MS4A13: variants seen among roughly 807,000 people sequenced by gnomAD.
The protein encoded by MS4A13 is membrane-spanning 4-domains subfamily A member 13.
In MS4A13, 21 loss-of-function variants were observed where a neutral mutation model predicts 18.4. The observed-to-expected ratio is 1.14, with a 90% CI of 0.81 to 1.64. The LOEUF is 1.64. MS4A13 is among the 40% of genes most tolerant of loss of function. MS4A13 has a pLI of 0.00. For missense variants in MS4A13, 173 were observed against 176.8 expected (o/e 0.98, Z 0.12); for synonymous variants, 62 against 57.2 (o/e 1.08, Z -0.38).
intron 5 of MS4A13, among the ~76,000 whole-genome samples, chr11:60,528,927 TG>T (rs1160438430): frequency 6.6e-6 from 1 of 152,256 alleles, no homozygotes; most frequent in Non-Finnish European, 1.5e-5. Context: ...TTTATCACCA[TG>T]TATGTAAATT....
At chr11:60,540,243 G>A (rs781062844) in intron 6 of MS4A13, among the ~76,000 whole-genome samples, 1 of 152,122 alleles carries the variant, frequency 6.6e-6, no homozygotes, top group Non-Finnish European at 1.5e-5. Flanking sequence ...AATACATAAA[G>A]GAATGGATAT....
rs1381524513 is a variant in MS4A13 at position 60,518,205 on chromosome 11, G to T, written c.122G>T (p.Gly41Val). Residue 41 changes from glycine (G) to valine (V), a missense_variant, in exon 3 of 7, where the codon GGA becomes GTA. Transcript: ENST00000378186. ...TACAAAACAGGATGTACTTTATGGG[G>T]AATTTTTGTGAGTAGAATACATATA... ...VTYKTGCTLW[G>V]IFFIIAGVFL... 1.2e-6 allele frequency: 2 copies of T among 1,607,532 alleles called. No individual in the cohort carries two copies. The highest frequency in any genetic ancestry group is 2.2e-5 in the South Asian group (2 of 89,890).
At position 60,527,410 on chromosome 11, in the gene MS4A13, C is replaced by CTCTGTGTG. The variant is rs1555024373; in HGVS notation, c.307-1954_307-1953insCTGTGTGT. ...TCTCTCTCTCTCTCTCTCTCTCTCT[C>CTCTGTGTG]TGTGTGTGTGTGTGTGTGTGTGTGT... On this transcript the variant is annotated intron_variant, in intron 5 of 6. Coordinates refer to ENST00000378186, the MANE Select transcript of MS4A13 (RefSeq NM_001012417.3). 3.8e-4 allele frequency among the ~76,000 whole-genome samples: 11 copies of CTCTGTGTG among 28,808 alleles called. 1 individual carries two copies. Among genetic ancestry groups the CTCTGTGTG allele is most frequent in the African/African-American group, 1.5e-3 (9 of 6,204 alleles). The allele number at this position is 28,808 out of a possible 152,430, so 18.9% of individuals were successfully genotyped here. A position where few individuals can be genotyped will look rare whatever the true frequency, so the allele number is the denominator to read the frequency against.
intron 6 of MS4A13, among the ~76,000 whole-genome samples, chr11:60,540,617 A>G (rs1462104237): frequency 6.6e-6 from 1 of 152,178 alleles, no homozygotes; most frequent in African/African-American, 2.4e-5. Flanking sequence ...GGGAATTAAC[A>G]TACACAAAGT....
intron 5 of MS4A13, among the ~76,000 whole-genome samples, chr11:60,526,846 A>T (rs2086716759): frequency 6.6e-6 from 1 of 152,222 alleles, no homozygotes; most frequent in Admixed American, 6.5e-5. Context: ...TTCCAGGATC[A>T]GAGTGCACTT....
chr11:60,531,382 T>G (rs1190893487), intron 6 of MS4A13, among the ~76,000 whole-genome samples: 2 of 152,188 alleles, frequency 1.3e-5, no homozygotes, highest in Admixed American at 1.3e-4. Flanking sequence ...ACTTTTCCCC[T>G]GTAGTCTGGA....
chr11:60,527,410 C>CTCTCTCTCTCTCTCTGTGTGTGTG (rs1555024373), intron 5 of MS4A13, among the ~76,000 whole-genome samples: 1 of 28,788 alleles, frequency 3.5e-5, no homozygotes, highest in Admixed American at 5.9e-4. Context: ...CTCTCTCTCT[C>CTCTCTCTCTCTCTCTGTGTGTGTG]TGTGTGTGTG....
intron 6 of MS4A13, among the ~76,000 whole-genome samples, chr11:60,531,668 G>A (rs1483683851): frequency 6.6e-6 from 1 of 152,186 alleles, no homozygotes; most frequent in Non-Finnish European, 1.5e-5. Context: ...GAGGCTAGAA[G>A]TTCAAGATCA....
intron 5 of MS4A13, among the ~76,000 whole-genome samples, chr11:60,528,624 G>A (rs756994678): frequency 1.2e-4 from 18 of 152,168 alleles, no homozygotes; most frequent in Non-Finnish European, 2.5e-4. Flanking sequence ...AGTTAGAGAA[G>A]GAATTGAAAG....
intron 3 of MS4A13, among the ~76,000 whole-genome samples, chr11:60,521,154 G>C (rs187179243): frequency 6.6e-6 from 1 of 152,200 alleles, no homozygotes; most frequent in Non-Finnish European, 1.5e-5. Context: ...CCCTGGGCCC[G>C]GCCCATGAAA....
chr11:60,540,029 G>A (rs964399592), intron 6 of MS4A13, among the ~76,000 whole-genome samples: 1 of 152,184 alleles, frequency 6.6e-6, no homozygotes, highest in African/African-American at 2.4e-5. Flanking sequence ...AAGTAATTAT[G>A]TAGGTGGTTA....
At chr11:60,523,368 C>G (rs151196353) in intron 3 of MS4A13, among the ~76,000 whole-genome samples, 36 of 152,234 alleles carry the variant, frequency 2.4e-4, no homozygotes, top group African/African-American at 7.7e-4. Context: ...AATAATGGAA[C>G]CTCTGTTTTA....
At chr11:60,526,659 C>A (rs535721432) in intron 5 of MS4A13, among the ~76,000 whole-genome samples, 1 of 152,230 alleles carries the variant, frequency 6.6e-6, no homozygotes, top group South Asian at 2.1e-4. Context: ...TATATACTTA[C>A]ACTTGCTAAG....
intron 6 of MS4A13, among the ~76,000 whole-genome samples, chr11:60,530,806 T>C (rs765866759): frequency 9.2e-5 from 14 of 152,194 alleles, no homozygotes; most frequent in Non-Finnish European, 1.9e-4. Context: ...GTTTTCCCCA[T>C]GCTATTCTCA....
At chr11:60,543,353 A>AT (rs1355067507), downstream of MS4A13, among the ~76,000 whole-genome samples, 6 of 151,718 alleles carry the variant, frequency 4.0e-5, no homozygotes, top group Non-Finnish European at 5.9e-5. Flanking sequence ...CACTTATCTC[A>AT]TTTTTTTTCA....
Position 60,542,641 on chromosome 11 carries a change from T to C in MS4A13, c.*66T>C. The C allele has an allele frequency of 1.0e-6, 1 of 964,248 alleles. No homozygotes were observed. Among genetic ancestry groups the C allele is most frequent in the South Asian group, 1.9e-5 (1 of 53,558 alleles). 59.7% of individuals were successfully genotyped at this position (964,248 alleles called of 1,614,324 possible). On this transcript the variant is annotated 3_prime_UTR_variant, in exon 7 of 7. Coordinates refer to ENST00000378186, the MANE Select transcript of MS4A13 (RefSeq NM_001012417.3). ...GGTGTGGGTCCTAATGATATCTCTGTATAACAAAGCAGTTACGAAGCCTAC... is the reference window on the plus strand; with the variant it reads ...GGTGTGGGTCCTAATGATATCTCTGCATAACAAAGCAGTTACGAAGCCTAC...
intron 3 of MS4A13, 139 bp from the exon 4 acceptor site, chr11:60,523,758 A>G (rs753631893): frequency 1.0e-5 from 6 of 586,520 alleles, no homozygotes; most frequent in Non-Finnish European, 1.5e-5. Flanking sequence ...ATTTGTCCTG[A>G]CCCATCTACT....
intron 3 of MS4A13, among the ~76,000 whole-genome samples, chr11:60,519,449 GA>G (rs1388108954): frequency 1.3e-5 from 2 of 152,032 alleles, no homozygotes; most frequent in Non-Finnish European, 2.9e-5. Context: ...AATGAATTAG[GA>G]AGCAAGATTA....
At chr11:60,516,781 T>C (rs1305622585) in intron 2 of MS4A13, among the ~76,000 whole-genome samples, 1 of 152,204 alleles carries the variant, frequency 6.6e-6, no homozygotes, top group Non-Finnish European at 1.5e-5. Flanking sequence ...CTCCACACAC[T>C]GGCAGTTCTT....
Sources: allele counts gnomAD v4.1 joint callset (sites outside exome capture counted in the v4.1 genomes callset), GRCh38; gene constraint gnomAD v4.1.1; transcripts MANE v1.5; gene names NCBI Gene and HGNC (gene_info 2026-07-23, HGNC 2026-07-21).